DPF3: variants seen among roughly 807,000 people sequenced by gnomAD.
DPF3 encodes double PHD fingers 3, also known as zinc finger protein DPF3.
A neutral mutation model predicts 56.8 loss-of-function variants in DPF3; 18 were observed. That is an observed-to-expected ratio of 0.32 (90% CI 0.22 to 0.47). DPF3 has a LOEUF of 0.47. DPF3 is among the 20% of genes least tolerant of loss of function. DPF3 has a pLI of 1.00. For synonymous variants in DPF3, 188 were observed against 180.2 expected (o/e 1.04, Z -0.35); for missense variants, 403 against 488.8 (o/e 0.82, Z 1.65).
intron 7 of DPF3, among the ~76,000 whole-genome samples, chr14:72,681,520 G>A (rs749517947): frequency 2.6e-5 from 4 of 152,182 alleles, no homozygotes; most frequent in Non-Finnish European, 5.9e-5. Flanking sequence ...ATCTTGCTGC[G>A]TGTTTTGGTG....
chr14:72,781,732 AG>A (rs765619308), intron 1 of DPF3, among the ~76,000 whole-genome samples: 4 of 101,972 alleles, frequency 3.9e-5, no homozygotes, highest in Non-Finnish European at 8.1e-5. Context: ...GGAGGTGGGA[AG>A]GGGACGCTCC....
At chr14:72,731,702 C>T (rs1889653928) in intron 4 of DPF3, 105 bp downstream of exon 4, 2 of 1,481,332 alleles carry the variant, frequency 1.4e-6, no homozygotes, top group Non-Finnish European at 1.8e-6. Flanking sequence ...TGAGACTGAG[C>T]CCCGGCCCTT....
At chr14:72,868,461 C>T (rs2192594) in intron 1 of DPF3, among the ~76,000 whole-genome samples, 33,644 of 152,130 alleles carry the variant, frequency 0.22, 4,228 homozygotes, top group African/African-American at 0.35. Context: ...GGTGCTGAAA[C>T]TTTCCAGGAC....
At chr14:72,661,627 G>C in intron 8 of DPF3, 1 of 985,432 alleles carries the variant, frequency 1.0e-6, no homozygotes, top group Non-Finnish European at 1.2e-6. Context: ...ACTTCCGCCA[G>C]CTCAGCCAGA....
intron 1 of DPF3, among the ~76,000 whole-genome samples, chr14:72,893,633 A>G (rs1368820783): frequency 1.3e-5 from 2 of 151,246 alleles, no homozygotes; most frequent in African/African-American, 4.9e-5. Flanking sequence ...GGGCTCGGCC[A>G]AGTACACCGA....
chr14:72,778,144 T>C (rs1357115053), intron 1 of DPF3, among the ~76,000 whole-genome samples: 2 of 152,070 alleles, frequency 1.3e-5, no homozygotes, highest in African/African-American at 4.8e-5. Context: ...ATCTTGAACT[T>C]CCCAGCCTCC....
At chr14:72,811,771 T>C (rs954120422) in intron 1 of DPF3, among the ~76,000 whole-genome samples, 3 of 152,130 alleles carry the variant, frequency 2.0e-5, no homozygotes, top group African/African-American at 7.2e-5. Context: ...CAAAACACTT[T>C]CACATATATT....
intron 6 of DPF3, among the ~76,000 whole-genome samples, chr14:72,704,225 G>A (rs564709629): frequency 2.6e-5 from 4 of 152,304 alleles, no homozygotes; most frequent in African/African-American, 9.6e-5. Flanking sequence ...TGAGTCCTGC[G>A]TTAGCATGTC....
In DPF3 at chr14:72,660,012, G is replaced by T. The variant is rs570574062; in HGVS notation, c.871+14228C>A. Among the ~76,000 whole-genome samples the T allele has an allele frequency of 5.3e-5, 8 of 152,262 alleles. 1 individual carries two copies. The South Asian group carries it at 1.7e-3, about 32-fold the overall frequency. On this transcript the variant is annotated intron_variant, in intron 8 of 10. Coordinates refer to ENST00000556509, the MANE Select transcript of DPF3 (RefSeq NM_001280542.3). The stretch of plus-strand genomic sequence containing the variant: ...TACTTAGAGGAGTCAAATTCAGAGG[G>T]ACAGAAAGTAGAATGGTGGTTGCCA...
intron 8 of DPF3, chr14:72,671,171 C>A (rs1567195596): frequency 1.2e-5 from 20 of 1,613,828 alleles, no homozygotes; most frequent in Middle Eastern, 1.6e-4. Context: ...GTGGGCGAAC[C>A]CCGGCCACTG....
intron 3 of DPF3, among the ~76,000 whole-genome samples, chr14:72,747,618 G>A (rs1308566342): frequency 6.4e-5 from 9 of 141,494 alleles, no homozygotes; most frequent in South Asian, 2.3e-4. Context: ...TGAGACCCCC[G>A]TCTCTACAAA....
At chr14:72,830,956 G>C (rs1158760913) in intron 1 of DPF3, among the ~76,000 whole-genome samples, 2 of 152,172 alleles carry the variant, frequency 1.3e-5, no homozygotes, top group Non-Finnish European at 1.5e-5. Flanking sequence ...CCTGGGCTCT[G>C]TGGGTGGGAG....
intron 6 of DPF3, among the ~76,000 whole-genome samples, chr14:72,711,949 C>T (rs1479115920): frequency 6.6e-6 from 1 of 151,998 alleles, no homozygotes; most frequent in Non-Finnish European, 1.5e-5. Flanking sequence ...CTTGTGACCT[C>T]TCCAAAGGTC....
intron 2 of DPF3, among the ~76,000 whole-genome samples, chr14:72,763,484 G>A (rs1325241799): frequency 1.3e-5 from 2 of 152,108 alleles, no homozygotes; most frequent in Admixed American, 6.5e-5. Context: ...AGCCAATTAA[G>A]TGGAGAAAGA....
At chr14:72,733,972 A>G (rs996701776) in intron 3 of DPF3, among the ~76,000 whole-genome samples, 4 of 152,178 alleles carry the variant, frequency 2.6e-5, no homozygotes, top group African/African-American at 4.8e-5. Flanking sequence ...GATTTTTCCT[A>G]CCAAAAAAGG....
At chr14:72,886,799 C>T (rs1311189701) in intron 1 of DPF3, among the ~76,000 whole-genome samples, 1 of 152,048 alleles carries the variant, frequency 6.6e-6, no homozygotes, top group East Asian at 1.9e-4. Flanking sequence ...CCACTGAAAT[C>T]TGAGATGTTC....
chr14:72,643,226 A>C (rs937576213), intron 8 of DPF3, among the ~76,000 whole-genome samples: 1 of 152,226 alleles, frequency 6.6e-6, no homozygotes, highest in Non-Finnish European at 1.5e-5. Context: ...TTCTCCTTGC[A>C]TGCATAAGAA....
rs919532513 is a variant in DPF3 at position 72,881,432 on chromosome 14, T to A, written c.32+12625A>T. The stretch of plus-strand genomic sequence containing the variant: ...AAGACAAAGTTTCCAGTCCAAACCA[T>A]CACATAAGGCCAACACTGGGTATTC... On this transcript the variant is annotated intron_variant, in intron 1 of 10. Coordinates refer to ENST00000556509, the MANE Select transcript of DPF3 (RefSeq NM_001280542.3). Among the ~76,000 whole-genome samples the A allele has an allele frequency of 2.0e-5, 3 of 151,900 alleles. No homozygotes were observed. In the East Asian group the frequency reaches 5.8e-4, roughly 29 times the overall value.
intron 7 of DPF3, among the ~76,000 whole-genome samples, chr14:72,674,988 A>G: frequency 6.6e-6 from 1 of 152,354 alleles, no homozygotes; most frequent in Middle Eastern, 3.4e-3. Flanking sequence ...TTGATCATGG[A>G]AAGTGCCCAA....
Sources: gnomAD v4.1 joint callset for allele counts (sites outside exome capture counted in the v4.1 genomes callset) on GRCh38, gnomAD v4.1.1 for gene constraint, MANE v1.5 for transcripts, NCBI Gene and HGNC (gene_info 2026-07-23, HGNC 2026-07-21) for gene names.